IL18RAP: variants seen among roughly 807,000 people sequenced by gnomAD.
IL18RAP encodes the protein interleukin 18 receptor accessory protein, also known as interleukin-18 receptor accessory protein.
In IL18RAP, 37 loss-of-function variants were observed where a neutral mutation model predicts 58.1. That is an observed-to-expected ratio of 0.64 (90% confidence interval 0.49 to 0.84). The LOEUF (loss-of-function observed/expected upper bound fraction) is 0.84. IL18RAP is among the 40% of genes least tolerant of loss of function. The pLI is 0.00. For synonymous variants in IL18RAP, 268 were observed against 257.5 expected, an observed-to-expected ratio of 1.04 and a Z score of -0.39; for missense variants, 667 against 704.8, an observed-to-expected ratio of 0.95 and a Z score of 0.61.
intron 7 of IL18RAP, among the ~76,000 whole-genome samples, chr2:102,445,570 T>C (rs1683363282): frequency 6.6e-6 from 1 of 152,236 alleles, no homozygotes; most frequent in South Asian, 2.1e-4. Flanking sequence ...TAGTCTGCGT[T>C]TGGGAGGCCA....
Position 102,445,264 on chromosome 2 carries a change from C to A in IL18RAP, c.996C>A (p.Arg332=). ...ILEKVTQRDL[R]RKFVCFVQNS... ...AAAAAGTCACTCAGCGTGATCTTCG[C>A]AGGAAGTTTGTTTGCTTTGTCCAGA... Residue 332 remains arginine (R), a synonymous_variant, in exon 7 of 10, where the codon CGC becomes CGA. Coordinates refer to ENST00000687160, the MANE Select transcript of IL18RAP (RefSeq NM_001393487.1). 6.2e-7 allele frequency: 1 copy of A among 1,614,102 alleles called. No homozygotes were observed. The highest frequency in any genetic ancestry group is 8.5e-7 in the Non-Finnish European group (1 of 1,179,970).
upstream of IL18RAP, chr2:102,419,641 G>T (rs6756407): frequency 0.079 from 11,960 of 152,354 alleles, 571 homozygotes; most frequent in Middle Eastern, 0.23. Flanking sequence ...CTCAAAAAAC[G>T]CATCTGGAAA....
intron 3 of IL18RAP, among the ~76,000 whole-genome samples, chr2:102,431,977 A>T (rs6713618): frequency 0.78 from 118,046 of 152,056 alleles, 46,854 homozygotes; most frequent in African/African-American, 0.9. Context: ...TTTGATGGTG[A>T]CATATTTCCT....
intron 3 of IL18RAP, among the ~76,000 whole-genome samples, chr2:102,426,226 G>A (rs1308432063): frequency 2.0e-5 from 3 of 152,136 alleles, no homozygotes; most frequent in East Asian, 1.9e-4. Context: ...TCATACCTAC[G>A]ACCCATCTCT....
chr2:102,443,392 T>G, intron 6 of IL18RAP, 69 bp downstream of exon 6: 1 of 1,550,882 alleles, frequency 6.4e-7, no homozygotes, highest in Non-Finnish European at 8.7e-7. Context: ...TAGAAATGCC[T>G]AAAGTATACA....
chr2:102,423,856 A>G lies in IL18RAP; in HGVS notation c.116A>G (p.Glu39Gly), dbSNP rs1408884729. The part of the protein sequence containing the change: ...KLLWTYSTRS[E>G]EEFVLFCDLP... ...CTTTGGACATATTCTACAAGGAGTG[A>G]AGAGGAATTTGTCTTATTTTGTGAT... Residue 39 changes from glutamate to glycine, a missense_variant, in exon 2 of 10, where the codon GAA becomes GGA. By Grantham distance (98) the Glu-to-Gly change is moderately conservative (BLOSUM62 -2). Coordinates refer to ENST00000687160, the MANE Select transcript of IL18RAP (RefSeq NM_001393487.1). 6.2e-7 allele frequency: 1 copy of G among 1,613,910 alleles called. No homozygotes were observed. The highest frequency in any genetic ancestry group is 1.7e-5 in the Admixed American group (1 of 59,978).
At chr2:102,436,929 T>C (rs1573284915) in intron 3 of IL18RAP, among the ~76,000 whole-genome samples, 1 of 152,100 alleles carries the variant, frequency 6.6e-6, no homozygotes, top group African/African-American at 2.4e-5. Context: ...AAGTCATGCA[T>C]GCTCTGGGAA....
intron 3 of IL18RAP, among the ~76,000 whole-genome samples, chr2:102,432,695 C>T (rs1207167832): frequency 1.6e-4 from 24 of 152,196 alleles, no homozygotes; most frequent in Admixed American, 1.6e-3. Context: ...GCTGCTCCTT[C>T]TGCAGATAAC....
upstream of IL18RAP, among the ~76,000 whole-genome samples, chr2:102,420,065 C>T (rs1681474576): frequency 6.6e-6 from 1 of 152,198 alleles, no homozygotes; most frequent in Non-Finnish European, 1.5e-5. Flanking sequence ...ATCACTTAGA[C>T]ATTAGATGGC....
rs769334688 is a variant in IL18RAP, at chr2:102,447,127, C to T, written c.1130C>T (p.Ala377Val). 3 of 1,614,098 alleles carry T rather than the reference C, an allele frequency of 1.9e-6. No homozygotes were observed. The highest frequency in any genetic ancestry group is 4.5e-5 in the East Asian group (2 of 44,864). The change falls in exon 8 of 10, where the codon GCG (alanine) becomes GTG (valine). Residue 377 changes from alanine (A) to valine (V), a missense_variant. Ala to Val is a moderately conservative substitution (Grantham distance 64). Transcript: ENST00000687160. Reference protein sequence around the residue: ...TIGTLVAVLAASALLYRHWIE... With the variant: ...TIGTLVAVLAVSALLYRHWIE... ...GGGACCCTGGTGGCCGTGCTGGCGG[C>T]GAGTGCCCTCCTCTACAGGCACTGG...
chr2:102,447,981 G>A (rs555893325), intron 8 of IL18RAP, among the ~76,000 whole-genome samples: 108 of 152,164 alleles, frequency 7.1e-4, no homozygotes, highest in Non-Finnish European at 1.2e-3. Context: ...TGATCCGTCC[G>A]CCTCGGCCTC....
At chr2:102,442,918 T>A (rs558810910) in intron 5 of IL18RAP, among the ~76,000 whole-genome samples, 2 of 152,296 alleles carry the variant, frequency 1.3e-5, no homozygotes, top group Non-Finnish European at 2.9e-5. Context: ...TCTCCCTCAA[T>A]CCACATAAGG....
chr2:102,422,787 G>A (rs1681656405), upstream of IL18RAP, among the ~76,000 whole-genome samples: 1 of 152,156 alleles, frequency 6.6e-6, no homozygotes, highest in African/African-American at 2.4e-5. Flanking sequence ...TTTATAAATA[G>A]GAGCTATATC....
intron 6 of IL18RAP, among the ~76,000 whole-genome samples, chr2:102,443,942 A>T (rs1683263950): frequency 1.3e-5 from 2 of 152,198 alleles, no homozygotes; most frequent in Admixed American, 6.5e-5. Flanking sequence ...TATTTTGGCC[A>T]GTAGAAAACC....
Position 102,447,203 on chromosome 2 carries a change from T to G in IL18RAP, c.1206T>G (p.Leu402=), listed in dbSNP as rs961887605. Residue 402 remains leucine (L), a synonymous_variant, in exon 8 of 10, where the codon CTT becomes CTG. Transcript: ENST00000687160. Reference sequence around the variant, plus strand: ...CCTACCAGAGCAAGGATCAGACGCTTGGGGGTAAGTTTACCTCCACATGCA... The same window carrying G: ...CCTACCAGAGCAAGGATCAGACGCTGGGGGGTAAGTTTACCTCCACATGCA... ...YRTYQSKDQT[L]GDKKDFDAFV... 6.2e-7 allele frequency: 1 copy of G among 1,613,250 alleles called. No homozygotes were observed.
In IL18RAP at chr2:102,451,900, C is replaced by T. The variant is rs961155606; in HGVS notation, c.1519C>T (p.Leu507=). 3.7e-6 allele frequency: 6 copies of T among 1,614,198 alleles called. No individual in the cohort carries two copies. The highest frequency in any genetic ancestry group is 1.1e-5 in the South Asian group (1 of 91,086). The change falls in exon 10 of 10, where the codon CTG becomes TTG. Residue 507 remains leucine, a synonymous_variant. Coordinates refer to ENST00000687160, the MANE Select transcript of IL18RAP (RefSeq NM_001393487.1). ...AVNLALDDQT[L]KLILIKFCYF... The stretch of plus-strand genomic sequence containing the variant: ...GAATCTTGCCTTGGATGATCAAACA[C>T]TGAAACTCATTTTAATTAAGTTCTG...
intron 3 of IL18RAP, chr2:102,434,212 G>A (rs1226588005): frequency 1.3e-5 from 2 of 152,084 alleles, no homozygotes; most frequent in East Asian, 3.9e-4. Context: ...TTCCTTACTT[G>A]TTCAGAACAG....
At position 102,451,854 on chromosome 2, in the gene IL18RAP, C is replaced by A; in HGVS notation, c.1473C>A (p.Ile491=). 1 of 1,614,160 alleles carries A rather than the reference C, an allele frequency of 6.2e-7. No individual in the cohort carries two copies. The highest frequency in any genetic ancestry group is 8.5e-7 in the Non-Finnish European group (1 of 1,179,992). Residue 491 remains isoleucine, a synonymous_variant, in exon 10 of 10, where the codon ATC becomes ATA. Coordinates refer to ENST00000687160, the MANE Select transcript of IL18RAP (RefSeq NM_001393487.1). ...LSPNYVNGPS[I]FELQAAVNLA... is the part of the protein sequence containing the mutation. ...CCAACTATGTCAATGGACCCAGTAT[C>A]TTTGAACTACAAGCAGCAGTGAATC...
chr2:102,420,482 G>A (rs529001237), upstream of IL18RAP, among the ~76,000 whole-genome samples: 6 of 152,298 alleles, frequency 3.9e-5, no homozygotes, highest in African/African-American at 1.4e-4. Context: ...CTGGAGGTCT[G>A]AGGCCAGTTG....
Sources: gnomAD v4.1 joint callset for allele counts (sites outside exome capture counted in the v4.1 genomes callset) on GRCh38, gnomAD v4.1.1 for gene constraint, MANE v1.5 for transcripts, NCBI Gene and HGNC (gene_info 2026-07-23, HGNC 2026-07-21) for gene names.